Variants in GRID1 observed in about 807,000 individuals in gnomAD.
GRID1 encodes the protein glutamate ionotropic receptor delta type subunit 1, also known as glutamate receptor ionotropic, delta-1.
GRID1 carries 28 observed loss-of-function variants against 98.0 expected under a neutral mutation model. That is an observed-to-expected ratio of 0.29 (90% CI 0.21 to 0.39). The LOEUF (loss-of-function observed/expected upper bound fraction) is 0.39. Among genes scored for constraint, GRID1 ranks in the 10% least tolerant of loss-of-function variants. The probability of loss-of-function intolerance (pLI) is 1.00; values close to 1 mark genes in which losing one functional copy is unlikely to be tolerated. For missense variants in GRID1, 1,111 were observed against 1,340.5 expected (o/e 0.83, Z 2.67); for synonymous variants, 553 against 538.5 (o/e 1.03, Z -0.37).
chr10:86,145,558 A>G (rs896130646), intron 3 of GRID1, among the ~76,000 whole-genome samples: 1 of 151,852 alleles, frequency 6.6e-6, no homozygotes, highest in Non-Finnish European at 1.5e-5. Flanking sequence ...ACACACACAC[A>G]CACACACACA....
chr10:85,781,774 C>T (rs1375052683), intron 8 of GRID1, among the ~76,000 whole-genome samples: 2 of 149,582 alleles, frequency 1.3e-5, no homozygotes, highest in South Asian at 2.1e-4. Context: ...CTTCAATTTC[C>T]AATGAAGAAA....
chr10:85,750,185 A>G (rs1289486100), intron 8 of GRID1, among the ~76,000 whole-genome samples: 1 of 152,188 alleles, frequency 6.6e-6, no homozygotes, highest in Non-Finnish European at 1.5e-5. Flanking sequence ...CAACAGGAGC[A>G]TCTATTCTTA....
chr10:86,295,349 C>A (rs184083541), intron 2 of GRID1, among the ~76,000 whole-genome samples: 14 of 152,182 alleles, frequency 9.2e-5, no homozygotes, highest in Middle Eastern at 3.4e-3. Flanking sequence ...GCAAAGGAGG[C>A]GGACGGATGG....
At chr10:86,085,523 C>T (rs1163201186) in intron 4 of GRID1, among the ~76,000 whole-genome samples, 1 of 152,158 alleles carries the variant, frequency 6.6e-6, no homozygotes, top group Non-Finnish European at 1.5e-5. Context: ...TCCTGGTGCT[C>T]CAGGGACCTG....
At chr10:86,231,779 T>C (rs886761096) in intron 2 of GRID1, among the ~76,000 whole-genome samples, 2 of 152,180 alleles carry the variant, frequency 1.3e-5, no homozygotes, top group African/African-American at 4.8e-5. Context: ...CCTCCTATTG[T>C]ATTTGGAGAC....
At chr10:86,000,212 T>C (rs981471739) in intron 4 of GRID1, among the ~76,000 whole-genome samples, 1 of 152,056 alleles carries the variant, frequency 6.6e-6, no homozygotes, top group Non-Finnish European at 1.5e-5. Flanking sequence ...CTAAAGACAA[T>C]ACTATTCCTA....
intron 2 of GRID1, among the ~76,000 whole-genome samples, chr10:86,286,820 G>A (rs555130598): frequency 1.8e-4 from 28 of 152,330 alleles, no homozygotes; most frequent in African/African-American, 6.0e-4. Context: ...GCTATCTACT[G>A]TGAGTGGGAA....
At chr10:86,027,481 A>G (rs1410070932) in intron 4 of GRID1, among the ~76,000 whole-genome samples, 6 of 152,178 alleles carry the variant, frequency 3.9e-5, no homozygotes, top group Admixed American at 2.6e-4. Flanking sequence ...GCCACATTCT[A>G]TTTATCCATT....
At position 85,806,434 on chromosome 10, in the gene GRID1, C is replaced by G. The variant is rs78267185; in HGVS notation, c.1233+48062G>C. ...ACTGTGTTCTTAGACTATGGCTAGACATTTATCATAACCCTAGATATTTAA... is the reference window on the plus strand; with the variant it reads ...ACTGTGTTCTTAGACTATGGCTAGAGATTTATCATAACCCTAGATATTTAA... On this transcript the variant is annotated intron_variant, in intron 8 of 15. Coordinates refer to ENST00000327946, the MANE Select transcript of GRID1 (RefSeq NM_017551.3). Among the ~76,000 whole-genome samples, 17 of 152,180 alleles carry G rather than the reference C, an allele frequency of 1.1e-4. No homozygotes were observed. In the East Asian group the frequency reaches 3.3e-3, roughly 29 times the overall value.
chr10:85,870,431 T>C (rs529903029), intron 5 of GRID1, among the ~76,000 whole-genome samples: 1 of 152,356 alleles, frequency 6.6e-6, no homozygotes, highest in Non-Finnish European at 1.5e-5. Flanking sequence ...AGACAGCCTA[T>C]TGTGGAACTT....
chr10:86,257,199 C>A (rs1416643834), intron 2 of GRID1, among the ~76,000 whole-genome samples: 1 of 152,212 alleles, frequency 6.6e-6, no homozygotes. Context: ...ACAGTCCTCT[C>A]TGAGGTGGGC....
chr10:85,935,391 T>C (rs1310308924), intron 4 of GRID1, among the ~76,000 whole-genome samples: 4 of 152,174 alleles, frequency 2.6e-5, no homozygotes, highest in Admixed American at 6.5e-5. Flanking sequence ...ATCACCCCAG[T>C]GTGGCTGGAC....
Position 85,602,083 on chromosome 10 carries a change from G to A in GRID1, c.*190C>T, listed in dbSNP as rs1842582920. 2.2e-6 allele frequency: 1 copy of A among 445,648 alleles called. No individual in the cohort carries two copies. The highest frequency in any genetic ancestry group is 3.9e-6 in the Non-Finnish European group (1 of 253,946). The allele number at this position is 445,648 out of a possible 1,614,324, so 27.6% of individuals were successfully genotyped here. ...GTTTTTTTACTGACTTCGAAAATTG[G>A]GAATATTCAAAATACACTTTTACCC... On this transcript the variant is annotated 3_prime_UTR_variant, in exon 16 of 16. Coordinates refer to ENST00000327946, the MANE Select transcript of GRID1 (RefSeq NM_017551.3).
At chr10:86,128,089 T>C (rs1844780136) in intron 4 of GRID1, among the ~76,000 whole-genome samples, 1 of 152,104 alleles carries the variant, frequency 6.6e-6, no homozygotes, top group Admixed American at 6.5e-5. Context: ...CAATGCCCCT[T>C]CCTCTGTGCC....
intron 4 of GRID1, among the ~76,000 whole-genome samples, chr10:86,096,189 A>C (rs943831970): frequency 1.3e-5 from 2 of 152,118 alleles, no homozygotes; most frequent in African/African-American, 4.8e-5. Flanking sequence ...GACCTTGGGG[A>C]CTTGGGGGGA....
chr10:85,945,735 T>C (rs1044109255), intron 4 of GRID1, among the ~76,000 whole-genome samples: 1 of 152,240 alleles, frequency 6.6e-6, no homozygotes, highest in African/African-American at 2.4e-5. Flanking sequence ...CATAAGCACT[T>C]TCAAAACATC....
At chr10:86,363,738 C>T (rs2132124925) in intron 2 of GRID1, among the ~76,000 whole-genome samples, 1 of 152,358 alleles carries the variant, frequency 6.6e-6, no homozygotes, top group East Asian at 1.9e-4. Context: ...CGCAGGCTCT[C>T]CGTGCCGGCC....
At chr10:86,350,207 C>T (rs1323836233) in intron 2 of GRID1, among the ~76,000 whole-genome samples, 2 of 152,214 alleles carry the variant, frequency 1.3e-5, no homozygotes, top group Non-Finnish European at 2.9e-5. Context: ...CAGGTAAGTT[C>T]AGCTTTTGTC....
intron 2 of GRID1, among the ~76,000 whole-genome samples, chr10:86,320,520 G>A (rs1024408489): frequency 3.3e-5 from 5 of 152,142 alleles, no homozygotes; most frequent in African/African-American, 9.7e-5. Context: ...GTGGTTTTGC[G>A]GGGCTGGAGG....
Sources: gnomAD v4.1 joint callset for allele counts (sites outside exome capture counted in the v4.1 genomes callset) on GRCh38, gnomAD v4.1.1 for gene constraint, MANE v1.5 for transcripts, NCBI Gene and HGNC (gene_info 2026-07-23, HGNC 2026-07-21) for gene names.